CTPS2: variants seen among roughly 807,000 people sequenced by gnomAD.
CTPS2 encodes the protein CTP synthase II.
Under a neutral mutation model 46.8 loss-of-function variants are expected in CTPS2, and 19 were observed. That is an observed-to-expected ratio of 0.41 (90% confidence interval 0.28 to 0.60). The LOEUF is 0.60. Among genes scored for constraint, CTPS2 ranks in the 20% least tolerant of loss-of-function variants. The pLI is 0.35. For missense variants in CTPS2, 286 were observed against 447.6 expected, an observed-to-expected ratio of 0.64 and a Z score of 3.26; for synonymous variants, 151 against 165.2, an observed-to-expected ratio of 0.91 and a Z score of 0.66.
At chrX:16,656,449 G>A (rs755622215) in intron 13 of CTPS2, among the ~76,000 whole-genome samples, 4 of 104,775 alleles carry the variant, frequency 3.8e-5, no homozygotes, top group Admixed American at 1.0e-4. Flanking sequence ...TCGCTCTGTC[G>A]CCCAGGCTGG....
chrX:16,657,579 A>AT (rs1357698001), intron 13 of CTPS2, among the ~76,000 whole-genome samples: 4 of 111,471 alleles, frequency 3.6e-5, no homozygotes, highest in Admixed American at 1.9e-4. Flanking sequence ...GACTGGGCAG[A>AT]TGGGGGGGCA....
At chrX:16,700,948 TG>T (rs1924505263) in intron 2 of CTPS2, among the ~76,000 whole-genome samples, 2 of 111,816 alleles carry the variant, frequency 1.8e-5, no homozygotes, top group Non-Finnish European at 3.8e-5. Flanking sequence ...CCAACCTGCT[TG>T]GTTTGCCCAG....
chrX:16,620,216 A>G, intron 15 of CTPS2, 61 bp downstream of exon 15: 1 of 962,738 alleles, frequency 1.0e-6, no homozygotes, highest in Middle Eastern at 2.6e-4. Flanking sequence ...TCAGCTTGTA[A>G]TCACTGGGTT....
chrX:16,657,313 A>G (rs1298969088), intron 13 of CTPS2, among the ~76,000 whole-genome samples: 1 of 106,985 alleles, frequency 9.3e-6, no homozygotes, highest in African/African-American at 3.4e-5. Flanking sequence ...AGGAACACGT[A>G]CCCATGCTCC....
intron 14 of CTPS2, among the ~76,000 whole-genome samples, chrX:16,620,798 T>G (rs1354008487): frequency 8.9e-6 from 1 of 112,058 alleles, no homozygotes; most frequent in East Asian, 2.8e-4. Context: ...TCCTCACACC[T>G]GGCCCAATGC....
At chrX:16,689,208 C>T (rs1412787964) in intron 8 of CTPS2, among the ~76,000 whole-genome samples, 1 of 112,085 alleles carries the variant, frequency 8.9e-6, no homozygotes, top group African/African-American at 3.2e-5. Context: ...AAAAACATTC[C>T]TTCCAGAATT....
chrX:16,599,621 C>T (rs1310527869), intron 17 of CTPS2, among the ~76,000 whole-genome samples: 5 of 109,397 alleles, frequency 4.6e-5, no homozygotes, highest in African/African-American at 1.7e-4. Flanking sequence ...GGATTACAGG[C>T]ATGTGCCACC....
chrX:16,706,427 G>A (rs1440333995), intron 1 of CTPS2, among the ~76,000 whole-genome samples: 1 of 109,662 alleles, frequency 9.1e-6, no homozygotes, highest in Non-Finnish European at 1.9e-5. Context: ...CGACTCGAAA[G>A]GTAAGAAAAA....
intron 14 of CTPS2, chrX:16,638,916 G>A (rs369101671): frequency 2.5e-4 from 129 of 520,418 alleles, no homozygotes; most frequent in Non-Finnish European, 7.2e-5. Context: ...AAATGCGGAG[G>A]GGCATTCAGT....
At chrX:16,617,825 G>A (rs184591963) in intron 15 of CTPS2, among the ~76,000 whole-genome samples, 1 of 111,799 alleles carries the variant, frequency 8.9e-6, no homozygotes, top group East Asian at 2.8e-4. Context: ...CTCCTTCAGT[G>A]AAAGTGCTTC....
At chrX:16,596,313 G>T (rs1929260345) in intron 17 of CTPS2, among the ~76,000 whole-genome samples, 1 of 108,962 alleles carries the variant, frequency 9.2e-6, no homozygotes, top group African/African-American at 3.4e-5. Context: ...CTAGCATTAG[G>T]TATATCTCCC....
chrX:16,639,785 G>GAAAGA (rs1569207149), intron 13 of CTPS2, among the ~76,000 whole-genome samples: 26 of 70,529 alleles, frequency 3.7e-4, no homozygotes, highest in Non-Finnish European at 2.3e-4. Context: ...AGAAAAGAAA[G>GAAAGA]AAAGAAAGAA....
At chrX:16,654,540 G>A in intron 13 of CTPS2, 1 of 912,933 alleles carries the variant, frequency 1.1e-6, no homozygotes, top group Middle Eastern at 2.7e-4. Flanking sequence ...CCTGAGCACT[G>A]GAGGAAGAGC....
At chrX:16,650,373 C>T in intron 13 of CTPS2, among the ~76,000 whole-genome samples, 1 of 111,180 alleles carries the variant, frequency 9.0e-6, no homozygotes, top group South Asian at 3.8e-4. Context: ...TTCTTCAAGA[C>T]CACAGCCTGC....
At chrX:16,709,876 G>C (rs1009533338) in intron 1 of CTPS2, among the ~76,000 whole-genome samples, 2 of 78,549 alleles carry the variant, frequency 2.5e-5, no homozygotes, top group Non-Finnish European at 4.8e-5. Context: ...AAAAAAAACA[G>C]ATTTCTATCT....
intron 8 of CTPS2, among the ~76,000 whole-genome samples, chrX:16,687,981 C>G (rs1007996944): frequency 2.2e-4 from 24 of 111,286 alleles, no homozygotes; most frequent in African/African-American, 7.8e-4. Context: ...AGTAATCACC[C>G]AAACTCACAC....
intron 17 of CTPS2, among the ~76,000 whole-genome samples, chrX:16,595,402 G>T (rs1929183450): frequency 9.1e-6 from 1 of 110,073 alleles, no homozygotes; most frequent in Admixed American, 9.7e-5. Context: ...CACCTCCCAG[G>T]TTAAAGCAAT....
intron 4 of CTPS2, among the ~76,000 whole-genome samples, chrX:16,693,938 G>A (rs1017505004): frequency 4.9e-4 from 55 of 111,523 alleles, no homozygotes; most frequent in Non-Finnish European, 7.0e-4. Context: ...AGGCCGAGGC[G>A]GGCGGATCAC....
At chrX:16,674,641 A>G (rs1922081030) in intron 10 of CTPS2, among the ~76,000 whole-genome samples, 1 of 104,966 alleles carries the variant, frequency 9.5e-6, no homozygotes, top group Non-Finnish European at 1.9e-5. Flanking sequence ...GATCGAGACC[A>G]TCCTGGCTAA....
Sources: gnomAD v4.1 joint callset for allele counts (sites outside exome capture counted in the v4.1 genomes callset) on GRCh38, gnomAD v4.1.1 for gene constraint, MANE v1.5 for transcripts, NCBI Gene and HGNC (gene_info 2026-07-23, HGNC 2026-07-21) for gene names.